The following NINJ2 variants were observed in gnomAD, a reference collection of about 807,000 sequenced individuals.
The protein encoded by NINJ2 is ninjurin-2.
Under a neutral mutation model 11.7 loss-of-function variants are expected in NINJ2, and 12 were observed. The ratio of observed to expected loss-of-function variants is 1.02; its 90% CI spans 0.66 to 1.66. The LOEUF (loss-of-function observed/expected upper bound fraction) is 1.66. Ranked by LOEUF, NINJ2 falls within the 40% of genes most tolerant of loss-of-function variation. The probability of loss-of-function intolerance (pLI) is 0.00; values close to 1 mark genes in which losing one functional copy is unlikely to be tolerated. For missense variants in NINJ2, 187 were observed against 181.8 expected, an observed-to-expected ratio of 1.03 and a Z score of -0.16; for synonymous variants, 93 against 76.8, an observed-to-expected ratio of 1.21 and a Z score of -1.10.
chr12:663,245 G>T, intron 1 of NINJ2, 83 bp downstream of exon 1: 1 of 1,265,246 alleles, frequency 7.9e-7, no homozygotes, highest in Non-Finnish European at 1.1e-6. Flanking sequence ...AGAATATCAA[G>T]TGACTAAAGT....
chr12:637,388 T>C (rs1236791054), intron 1 of NINJ2, among the ~76,000 whole-genome samples: 1 of 148,420 alleles, frequency 6.7e-6, no homozygotes, highest in Non-Finnish European at 1.5e-5. Context: ...AAGGTTGTAA[T>C]CCCAGCACTT....
chr12:613,610 AAAAT>A (rs1451785352), intron 1 of NINJ2, among the ~76,000 whole-genome samples: 2 of 151,778 alleles, frequency 1.3e-5, no homozygotes, highest in African/African-American at 4.8e-5. Context: ...CTCTGTCTCA[AAAAT>A]AAATAAATAG....
intron 1 of NINJ2, among the ~76,000 whole-genome samples, chr12:592,378 T>A (rs1191356772): frequency 6.6e-6 from 1 of 152,052 alleles, no homozygotes; most frequent in Non-Finnish European, 1.5e-5. Flanking sequence ...GAGAAAGATA[T>A]TAGACACAGA....
chr12:658,297 G>A lies in NINJ2; in HGVS notation c.33+5031C>T, dbSNP rs150653734. On this transcript the variant is annotated intron_variant, in intron 1 of 3. Coordinates refer to ENST00000305108, the MANE Select transcript of NINJ2 (RefSeq NM_016533.6). ...TGGGATTACAGGTGTGAGCCACTGCGCCCAGCTGAGTGGCTTTATACAGAA... is the reference window on the plus strand; with the variant it reads ...TGGGATTACAGGTGTGAGCCACTGCACCCAGCTGAGTGGCTTTATACAGAA... 7.3e-3 allele frequency among the ~76,000 whole-genome samples: 1,117 copies of A among 152,154 alleles called. 16 individuals are homozygous for A. The highest frequency in any genetic ancestry group is 0.025 in the African/African-American group (1,053 of 41,506).
At position 580,830 on chromosome 12, in the gene NINJ2, GTGTGTATGCATGTGTGTC is replaced by G. The variant is rs1428672535; in HGVS notation, c.34-14670_34-14653del. On this transcript the variant is annotated intron_variant, in intron 1 of 3. Transcript: ENST00000305108. The surrounding 1 kb of genome is among the most constrained non-coding windows in gnomAD (Gnocchi z 4.7). Reference sequence around the variant, plus strand: ...TGTCTGTGTGTATGCGTGTGTGTCTGTGTGTATGCATGTGTGTCTGTGTGTGCATGAGTGTCTGTGTGA... The same window carrying G: ...TGTCTGTGTGTATGCGTGTGTGTCTGTGTGTGTGCATGAGTGTCTGTGTGA... Among the ~76,000 whole-genome samples the G allele has an allele frequency of 1.5e-3, 225 of 151,942 alleles. No individual in the cohort carries two copies. The highest frequency in any genetic ancestry group is 0.01 in the Middle Eastern group (3 of 294).
intron 1 of NINJ2, among the ~76,000 whole-genome samples, chr12:646,623 G>A (rs1413152991): frequency 1.3e-5 from 2 of 152,182 alleles, no homozygotes; most frequent in East Asian, 3.8e-4. Context: ...ACTATCCCTT[G>A]GGACGGAGCC....
At chr12:617,698 C>T (rs1948110153) in intron 1 of NINJ2, among the ~76,000 whole-genome samples, 1 of 152,240 alleles carries the variant, frequency 6.6e-6, no homozygotes, top group African/African-American at 2.4e-5. Flanking sequence ...GTTTTCTGTG[C>T]TCTGCGCTCA....
At chr12:595,140 GA>G (rs939486786) in intron 1 of NINJ2, among the ~76,000 whole-genome samples, 129 of 144,158 alleles carry the variant, frequency 8.9e-4, no homozygotes, top group Admixed American at 4.0e-3. Flanking sequence ...CATGCAAAAA[GA>G]AAAAAAAAAG....
At chr12:612,768 C>G (rs566841028) in intron 1 of NINJ2, among the ~76,000 whole-genome samples, 1 of 152,326 alleles carries the variant, frequency 6.6e-6, no homozygotes, top group Admixed American at 6.5e-5. Flanking sequence ...GTGCCTGAGT[C>G]TCTTCTGATC....
chr12:610,584 G>A (rs1001457932), intron 1 of NINJ2: 66 of 985,192 alleles, frequency 6.7e-5, no homozygotes, highest in Non-Finnish European at 7.7e-5. Flanking sequence ...TGCTCTGAGC[G>A]ACTCTGTTCA....
chr12:624,758 G>A (rs1305796055), intron 1 of NINJ2, among the ~76,000 whole-genome samples: 2 of 146,972 alleles, frequency 1.4e-5, no homozygotes, highest in Admixed American at 1.4e-4. Flanking sequence ...GCAGTGAGCC[G>A]AGATTGCGCC....
At chr12:567,234 G>C (rs1327064543) in intron 1 of NINJ2, among the ~76,000 whole-genome samples, 3 of 151,562 alleles carry the variant, frequency 2.0e-5, no homozygotes, top group South Asian at 4.2e-4. Flanking sequence ...AGAGTGGGGA[G>C]AGACGGATGG....
At chr12:573,857 C>T (rs1947413289) in intron 1 of NINJ2, among the ~76,000 whole-genome samples, 1 of 152,164 alleles carries the variant, frequency 6.6e-6, no homozygotes, top group African/African-American at 2.4e-5. Flanking sequence ...AAGAAGGGAC[C>T]TGGGTGACTG....
At chr12:603,089 C>T (rs957571841) in intron 1 of NINJ2, among the ~76,000 whole-genome samples, 1 of 152,124 alleles carries the variant, frequency 6.6e-6, no homozygotes, top group African/African-American at 2.4e-5. Flanking sequence ...CTTCTGCTTC[C>T]ACCTCCAAAA....
At chr12:632,963 T>A (rs1016405697) in intron 1 of NINJ2, among the ~76,000 whole-genome samples, 2 of 152,164 alleles carry the variant, frequency 1.3e-5, no homozygotes, top group African/African-American at 4.8e-5. Context: ...AAAAGGTTAG[T>A]GGGCCGGGTT....
chr12:575,805 G>A (rs796444303), intron 1 of NINJ2, among the ~76,000 whole-genome samples: 24 of 152,328 alleles, frequency 1.6e-4, no homozygotes, highest in African/African-American at 5.3e-4. Flanking sequence ...GCTTCTGGGT[G>A]GGGGAGAGGA....
chr12:583,160 TGCAG>T (rs1947581673), intron 1 of NINJ2, among the ~76,000 whole-genome samples: 1 of 21,238 alleles, frequency 4.7e-5, no homozygotes, highest in African/African-American at 1.6e-4. Context: ...AATGAATGGG[TGCAG>T]GCAGGCAGGC....
chr12:629,896 A>AAATATATATAT, intron 1 of NINJ2, among the ~76,000 whole-genome samples: 24 of 9,900 alleles, frequency 2.4e-3, no homozygotes, highest in African/African-American at 3.5e-3. Flanking sequence ...AAAAAAAAAA[A>AAATATATATAT]ATATATATAT....
rs529066685 is a variant in NINJ2, at chr12:644,036, C to G, written c.33+19292G>C. On this transcript the variant is annotated intron_variant, in intron 1 of 3. Coordinates refer to ENST00000305108, the MANE Select transcript of NINJ2 (RefSeq NM_016533.6). ...CATTAGCGGAAGTGCCACGGGCCGG[C>G]TCCCAGGGGGCCAGAGTTTCCCAGG... 1.2e-4 allele frequency: 19 copies of G among 154,998 alleles called. No homozygotes were observed. In the South Asian group the frequency reaches 3.7e-3, roughly 30 times the overall value. 9.6% of individuals were successfully genotyped at this position (154,998 alleles called of 1,614,324 possible). A position where few individuals can be genotyped will look rare whatever the true frequency, so the allele number is the denominator to read the frequency against.
Sources: allele counts gnomAD v4.1 joint callset (sites outside exome capture counted in the v4.1 genomes callset), GRCh38; gene constraint gnomAD v4.1.1; non-coding constraint Gnocchi (gnomAD v3.1); transcripts MANE v1.5; gene names NCBI Gene and HGNC (gene_info 2026-07-23, HGNC 2026-07-21).